Variants in CDK12 observed in about 807,000 individuals in gnomAD.
The protein encoded by CDK12 is cyclin dependent kinase 12.
CDK12 carries 17 observed loss-of-function variants against 133.8 expected under a neutral mutation model. The ratio of observed to expected loss-of-function variants is 0.13; its 90% CI spans 0.09 to 0.19. CDK12 has a LOEUF of 0.19. CDK12 is among the 10% of genes least tolerant of loss of function. The probability of loss-of-function intolerance (pLI) is 1.00; values close to 1 mark genes in which losing one functional copy is unlikely to be tolerated. For missense variants in CDK12, 1,508 were observed against 1,818.7 expected (o/e 0.83, Z 3.11); for synonymous variants, 694 against 683.6 (o/e 1.02, Z -0.24).
chr17:39,530,561 G>T, intron 13 of CDK12, 43 bp from the exon 14 acceptor site: 1 of 1,524,804 alleles, frequency 6.6e-7, no homozygotes, highest in Non-Finnish European at 8.8e-7. Flanking sequence ...ATAATCACAT[G>T]TGCTTTTTAA....
At chr17:39,473,968 G>T (rs1265984891) in intron 2 of CDK12, among the ~76,000 whole-genome samples, 4 of 152,066 alleles carry the variant, frequency 2.6e-5, no homozygotes, top group Non-Finnish European at 5.9e-5. Flanking sequence ...GAGGTGGGAG[G>T]ATTGCTTGAA....
Position 39,509,875 on chromosome 17 carries a change from G to T in CDK12, c.2666+114G>T, listed in dbSNP as rs113377797. ...GGAGTGCGTGGCTTGATCTCAGCTC[G>T]CTGCAGCCTCAACCTCTGTGGGCTC... On this transcript the variant is annotated intron_variant, in intron 7 of 13. Coordinates refer to ENST00000447079, the MANE Select transcript of CDK12 (RefSeq NM_016507.4). The T allele has an allele frequency of 1.7e-4, 129 of 774,772 alleles. 1 individual carries two copies. The South Asian group carries it at 1.9e-3, about 11-fold the overall frequency. 48.0% of individuals were successfully genotyped at this position (774,772 alleles called of 1,614,324 possible). A position where few individuals can be genotyped will look rare whatever the true frequency, so the allele number is the denominator to read the frequency against.
Position 39,476,711 on chromosome 17 carries a change from C to CTTTTTTTTTTTTTTTTTTTTTTTTTTT in CDK12, c.1931+4951_1931+4977dup, listed in dbSNP as rs879840168. On this transcript the variant is annotated intron_variant, in intron 2 of 13. Transcript: ENST00000447079. ...TACAGGCATGAGCCACCATGCCTGCCTTTTTTTTTTTTTTTTTTTTTTTTT... is the reference window on the plus strand; with the variant it reads ...TACAGGCATGAGCCACCATGCCTGCCTTTTTTTTTTTTTTTTTTTTTTTTTTTTTTTTTTTTTTTTTTTTTTTTTTTT... Among the ~76,000 whole-genome samples the CTTTTTTTTTTTTTTTTTTTTTTTTTTT allele has an allele frequency of 9.5e-5, 8 of 84,524 alleles. 2 individuals are homozygous for CTTTTTTTTTTTTTTTTTTTTTTTTTTT. The highest frequency in any genetic ancestry group is 7.5e-4 in the East Asian group (2 of 2,660). The allele number at this position is 84,524 out of a possible 152,430, so 55.5% of individuals were successfully genotyped here.
At chr17:39,473,142 C>G (rs2049930007) in intron 2 of CDK12, among the ~76,000 whole-genome samples, 1 of 151,096 alleles carries the variant, frequency 6.6e-6, no homozygotes, top group Admixed American at 6.6e-5. Context: ...CCCAAAATGT[C>G]TTTATTGTTG....
chr17:39,551,016 GC>G, intron 1 of CDK12: 1 of 149,880 alleles, frequency 6.7e-6, no homozygotes, highest in East Asian at 2.0e-4. Flanking sequence ...AGCTCATCTT[GC>G]CCCACCCCTT....
intron 13 of CDK12, among the ~76,000 whole-genome samples, chr17:39,527,811 T>G (rs898408218): frequency 2.6e-5 from 4 of 152,090 alleles, no homozygotes; most frequent in Non-Finnish European, 2.9e-5. Context: ...CCTCCCATAG[T>G]GCTGGGATTA....
chr17:39,526,711 C>T (rs2054517494), intron 13 of CDK12, among the ~76,000 whole-genome samples: 1 of 152,164 alleles, frequency 6.6e-6, no homozygotes, highest in South Asian at 2.1e-4. Context: ...TACTTCTTTA[C>T]CTCTAGTGGA....
chr17:39,491,384 G>A (rs2051588068), intron 3 of CDK12, among the ~76,000 whole-genome samples: 1 of 151,906 alleles, frequency 6.6e-6, no homozygotes, highest in Non-Finnish European at 1.5e-5. Context: ...TTACAGGCAC[G>A]TGCCACCACG....
chr17:39,502,662 T>G (rs1356795979), intron 6 of CDK12, among the ~76,000 whole-genome samples: 1 of 152,114 alleles, frequency 6.6e-6, no homozygotes. Context: ...TCAGTAAACA[T>G]TTATTAAGGT....
chr17:39,553,613 T>G (rs1465128415), intron 2 of CDK12, among the ~76,000 whole-genome samples: 1 of 152,204 alleles, frequency 6.6e-6, no homozygotes, highest in East Asian at 1.9e-4. Flanking sequence ...CTCACACTCC[T>G]TTGCTCACTC....
At chr17:39,474,464 G>T (rs1385484945) in intron 2 of CDK12, among the ~76,000 whole-genome samples, 1 of 152,112 alleles carries the variant, frequency 6.6e-6, no homozygotes, top group Non-Finnish European at 1.5e-5. Flanking sequence ...GATTACAGGT[G>T]CATGCCACTA....
At chr17:39,485,881 CAAAA>C (rs1211841055) in intron 2 of CDK12, among the ~76,000 whole-genome samples, 1 of 151,378 alleles carries the variant, frequency 6.6e-6, no homozygotes, top group Non-Finnish European at 1.5e-5. Flanking sequence ...TCCAAACAGA[CAAAA>C]AACCATAGAC....
chr17:39,498,943 CTT>C (rs1158744315), intron 5 of CDK12, among the ~76,000 whole-genome samples: 1 of 418 alleles, frequency 2.4e-3, no homozygotes, highest in Non-Finnish European at 3.2e-3. Flanking sequence ...TTCTTTCTTT[CTT>C]TCTTTCTTTC....
intron 10 of CDK12, among the ~76,000 whole-genome samples, chr17:39,518,988 G>A (rs1240229822): frequency 1.3e-5 from 2 of 152,080 alleles, no homozygotes; most frequent in African/African-American, 4.8e-5. Context: ...TGCAACCTCC[G>A]CCTCCTGGGT....
In CDK12 at chr17:39,556,855, T is replaced by C. The variant is rs2056183053; in HGVS notation, n.484+442T>C. 3 of 152,112 alleles carry C rather than the reference T, an allele frequency of 2.0e-5. No homozygotes were observed. In the South Asian group the frequency reaches 6.2e-4, roughly 32 times the overall value. The allele number at this position is 152,112 out of a possible 1,614,324, so 9.4% of individuals were successfully genotyped here. ...AATGACACCCCTCCCCTCCATTCTA[T>C]GTGTCCAGTCTTAGGCCCCTGCTGC... On this transcript the variant is annotated intron_variant and non_coding_transcript_variant, in intron 3 of 3. Transcript: ENST00000558240.
intron 13 of CDK12, among the ~76,000 whole-genome samples, chr17:39,528,253 A>G (rs2054610684): frequency 6.6e-6 from 1 of 152,174 alleles, no homozygotes; most frequent in Admixed American, 6.5e-5. Flanking sequence ...GACAACATTG[A>G]TACTTTAGAT....
At chr17:39,515,656 TG>T (rs1245184343) in intron 8 of CDK12, 74 bp from the exon 9 acceptor site, 1 of 880,232 alleles carries the variant, frequency 1.1e-6, no homozygotes, top group Non-Finnish European at 1.8e-6. Flanking sequence ...ATATCAATAA[TG>T]TAAAAATTTT....
At chr17:39,476,360 C>T (rs1305166847) in intron 2 of CDK12, among the ~76,000 whole-genome samples, 1 of 152,044 alleles carries the variant, frequency 6.6e-6, no homozygotes, top group Non-Finnish European at 1.5e-5. Context: ...CTGTCCGCCT[C>T]AGCCTCCCAA....
At chr17:39,526,432 C>G in intron 13 of CDK12, 116 bp downstream of exon 13, 1 of 741,910 alleles carries the variant, frequency 1.3e-6, no homozygotes, top group Non-Finnish European at 2.2e-6. Flanking sequence ...TATTCTGTAA[C>G]CTAGTCTACA....
Sources: allele counts gnomAD v4.1 joint callset (sites outside exome capture counted in the v4.1 genomes callset), GRCh38; gene constraint gnomAD v4.1.1; transcripts MANE v1.5; gene names NCBI Gene and HGNC (gene_info 2026-07-23, HGNC 2026-07-21).